GALNT2: variants seen among roughly 807,000 people sequenced by gnomAD.
GALNT2 encodes the protein polypeptide N-acetylgalactosaminyltransferase 2, also known as UDP-GalNAc:polypeptide N-acetylgalactosaminyltransferase 2.
Under a neutral mutation model 81.4 loss-of-function variants are expected in GALNT2, and 31 were observed. The observed-to-expected ratio is 0.38, with a 90% CI of 0.29 to 0.51. The LOEUF is 0.51. GALNT2 is among the 20% of genes least tolerant of loss of function. The pLI, the probability that GALNT2 is intolerant of heterozygous loss-of-function variation, is 0.87. For missense variants in GALNT2, 629 were observed against 765.7 expected, an observed-to-expected ratio of 0.82 and a Z score of 2.11; for synonymous variants, 303 against 287.4, an observed-to-expected ratio of 1.05 and a Z score of -0.55.
chr1:230,196,963 C>A (rs534373740), intron 2 of GALNT2, among the ~76,000 whole-genome samples: 1 of 152,104 alleles, frequency 6.6e-6, no homozygotes, highest in Non-Finnish European at 1.5e-5. Context: ...ACCTAGGGAC[C>A]TAACTGATCA....
chr1:230,181,935 A>T (rs1394206190), intron 2 of GALNT2, among the ~76,000 whole-genome samples: 4 of 152,144 alleles, frequency 2.6e-5, no homozygotes, highest in Non-Finnish European at 1.5e-5. Context: ...GACCAGTTCA[A>T]ATTGTCTATT....
rs974454510 is a variant in GALNT2 at position 230,271,238 on chromosome 1, A to T, written c.1441-3207A>T. Among the ~76,000 whole-genome samples, 2 of 152,170 alleles carry T rather than the reference A, an allele frequency of 1.3e-5. No homozygotes were observed. The highest frequency in any genetic ancestry group is 2.9e-5 in the Non-Finnish European group (2 of 68,028). On this transcript the variant is annotated intron_variant, in intron 14 of 15. Coordinates refer to ENST00000366672, the MANE Select transcript of GALNT2 (RefSeq NM_004481.5). This position sits in a 1 kb window ranked among gnomAD's most constrained non-coding sequence, Gnocchi z 4.2. ...CTTCTTCCTGGCCCTCTCCATCCTG[A>T]ACGCCATCTGCCTATGGGAAACACA... is the stretch of plus-strand genomic sequence containing the variant.
intron 1 of GALNT2, among the ~76,000 whole-genome samples, chr1:230,135,887 C>G (rs57601092): frequency 0.047 from 7,097 of 151,384 alleles, 505 homozygotes; most frequent in East Asian, 0.32. Context: ...AGATGGGGGT[C>G]TCACTGTGTT....
intron 1 of GALNT2, among the ~76,000 whole-genome samples, chr1:230,058,445 G>A (rs936006010): frequency 1.7e-4 from 26 of 152,224 alleles, no homozygotes; most frequent in African/African-American, 5.8e-4. Flanking sequence ...CTGCTGTCCT[G>A]CCTAATGGGA....
intron 1 of GALNT2, among the ~76,000 whole-genome samples, chr1:230,152,718 G>T (rs781029865): frequency 1.3e-5 from 2 of 152,194 alleles, no homozygotes; most frequent in Non-Finnish European, 2.9e-5. Context: ...ACACAGACTC[G>T]TGTTTTGTGT....
intron 3 of GALNT2, among the ~76,000 whole-genome samples, chr1:230,213,114 T>G (rs1240280534): frequency 6.6e-6 from 1 of 152,238 alleles, no homozygotes; most frequent in East Asian, 1.9e-4. Flanking sequence ...ACAATGATGC[T>G]AAATGAGTTG....
At chr1:230,249,125 G>A in intron 8 of GALNT2, 59 bp from the exon 9 acceptor site, 2 of 1,420,096 alleles carry the variant, frequency 1.4e-6, no homozygotes, top group Non-Finnish European at 2.0e-6. Context: ...AGGAATGGGG[G>A]TGTCGGGAGG....
At chr1:230,210,101 C>CTGGA (rs1283186452) in intron 3 of GALNT2, among the ~76,000 whole-genome samples, 2 of 152,168 alleles carry the variant, frequency 1.3e-5, no homozygotes, top group East Asian at 3.8e-4. Context: ...TGTCGTCAGG[C>CTGGA]TGGAGCGTTT....
intron 1 of GALNT2, among the ~76,000 whole-genome samples, chr1:230,138,662 G>A (rs951269894): frequency 1.3e-5 from 2 of 152,138 alleles, no homozygotes; most frequent in African/African-American, 2.4e-5. Flanking sequence ...CTTTTTATGA[G>A]TTTCGTGGGA....
intron 1 of GALNT2, among the ~76,000 whole-genome samples, chr1:230,166,731 C>T (rs376502666): frequency 2.0e-5 from 3 of 152,192 alleles, no homozygotes; most frequent in African/African-American, 4.8e-5. Context: ...TTCCCAAAAT[C>T]CAGATCTAAT....
intron 1 of GALNT2, among the ~76,000 whole-genome samples, chr1:230,076,237 A>C (rs1430438693): frequency 6.6e-6 from 1 of 152,238 alleles, no homozygotes; most frequent in Non-Finnish European, 1.5e-5. Flanking sequence ...CTTGTGGAAC[A>C]ATCTCATTTC....
chr1:230,222,597 T>C (rs1165696289), intron 3 of GALNT2, among the ~76,000 whole-genome samples: 4 of 152,212 alleles, frequency 2.6e-5, no homozygotes, highest in Non-Finnish European at 4.4e-5. Flanking sequence ...TTTCTTTTTA[T>C]CTTTTTAAAC....
At chr1:230,079,883 A>G (rs1386606345) in intron 1 of GALNT2, among the ~76,000 whole-genome samples, 2 of 152,222 alleles carry the variant, frequency 1.3e-5, no homozygotes, top group Non-Finnish European at 2.9e-5. Context: ...CTCAGCCTCC[A>G]TCTGCACTTC....
intron 1 of GALNT2, among the ~76,000 whole-genome samples, chr1:230,141,255 C>T (rs568613410): frequency 3.3e-4 from 50 of 152,328 alleles, no homozygotes; most frequent in Admixed American, 2.0e-3. Flanking sequence ...AGAAGGGACT[C>T]GTACAGGCTC....
In GALNT2 at chr1:230,281,283, C is replaced by G. The variant is rs1666435080; in HGVS notation, c.*1825C>G. On this transcript the variant is annotated 3_prime_UTR_variant, in exon 16 of 16. Transcript: ENST00000366672. ...TGCCCTATAGGTCTTCTCTTCCCGCCTCCCCTGCCATGCAACCAGATGTGT... is the reference window on the plus strand; with the variant it reads ...TGCCCTATAGGTCTTCTCTTCCCGCGTCCCCTGCCATGCAACCAGATGTGT... 1.3e-5 allele frequency: 2 copies of G among 152,424 alleles called. No individual in the cohort carries two copies. Among genetic ancestry groups the G allele is most frequent in the African/African-American group, 4.8e-5 (2 of 41,422 alleles). 9.4% of individuals were successfully genotyped at this position (152,424 alleles called of 1,614,324 possible). A position where few individuals can be genotyped will look rare whatever the true frequency, so the allele number is the denominator to read the frequency against.
intron 2 of GALNT2, among the ~76,000 whole-genome samples, chr1:230,202,861 CA>C (rs1207789710): frequency 6.6e-6 from 1 of 152,224 alleles, no homozygotes; most frequent in Non-Finnish European, 1.5e-5. Flanking sequence ...GCCACAGTTA[CA>C]GGTACTTTGA....
intron 1 of GALNT2, among the ~76,000 whole-genome samples, chr1:230,081,630 C>G (rs1659733046): frequency 1.3e-5 from 2 of 152,234 alleles, no homozygotes; most frequent in South Asian, 4.1e-4. Flanking sequence ...CAAAGCCCCC[C>G]TGTGAGGGCT....
intron 2 of GALNT2, among the ~76,000 whole-genome samples, chr1:230,187,275 G>A (rs1572063507): frequency 1.3e-5 from 2 of 152,226 alleles, no homozygotes; most frequent in East Asian, 3.8e-4. Flanking sequence ...ACACACATAT[G>A]TATTAAAATG....
intron 3 of GALNT2, among the ~76,000 whole-genome samples, chr1:230,218,789 A>T (rs1291997835): frequency 6.6e-6 from 1 of 151,778 alleles, no homozygotes; most frequent in Non-Finnish European, 1.5e-5. Flanking sequence ...AATAGGCTTA[A>T]AGCAGGAGTC....
Sources: gnomAD v4.1 joint callset for allele counts (sites outside exome capture counted in the v4.1 genomes callset) on GRCh38, gnomAD v4.1.1 for gene constraint, Gnocchi (gnomAD v3.1) non-coding constraint, MANE v1.5 for transcripts, NCBI Gene and HGNC (gene_info 2026-07-23, HGNC 2026-07-21) for gene names.